SELENOT: variants seen among roughly 807,000 people sequenced by gnomAD.
SELENOT encodes the protein selenoprotein T.
Under a neutral mutation model 24.3 loss-of-function variants are expected in SELENOT, and 9 were observed. That is an observed-to-expected ratio of 0.37 (90% CI 0.22 to 0.65). The LOEUF is 0.65. Among genes scored for constraint, SELENOT ranks in the 30% least tolerant of loss-of-function variants. The probability of loss-of-function intolerance (pLI) is 0.60; values close to 1 mark genes in which losing one functional copy is unlikely to be tolerated. For missense variants in SELENOT, 166 were observed against 247.6 expected (o/e 0.67, Z 2.21); for synonymous variants, 81 against 86.0 (o/e 0.94, Z 0.32).
rs577265409 is a variant in SELENOT, at chr3:150,622,734, AT to A, written c.248+244del. ...CTTCTAAAGATGTGTTTTCATATGT[AT>A]TTTTAATTGTGGAAATAGAATAACA... On this transcript the variant is annotated intron_variant, in intron 2 of 5. Transcript: ENST00000471696. 3.6e-3 allele frequency among the ~76,000 whole-genome samples: 551 copies of A among 152,192 alleles called. 5 individuals carry two copies. The highest frequency in any genetic ancestry group is 0.013 in the African/African-American group (532 of 41,556).
At chr3:150,604,649 A>G (rs1576528565) in intron 1 of SELENOT, among the ~76,000 whole-genome samples, 1 of 152,252 alleles carries the variant, frequency 6.6e-6, no homozygotes, top group Non-Finnish European at 1.5e-5. Flanking sequence ...ATAATTTTTA[A>G]AAATCGGCTT....
chr3:150,611,112 C>A, intron 1 of SELENOT: 1 of 500,884 alleles, frequency 2.0e-6, no homozygotes, highest in Non-Finnish European at 3.5e-6. Flanking sequence ...GCTCATTTTA[C>A]ATGAGTTTCC....
chr3:150,604,920 C>A, intron 1 of SELENOT, among the ~76,000 whole-genome samples: 1 of 152,046 alleles, frequency 6.6e-6, no homozygotes, highest in African/African-American at 2.4e-5. Context: ...GCCTGTAATC[C>A]CAACTACTTG....
chr3:150,620,362 A>G (rs565213656), intron 1 of SELENOT, among the ~76,000 whole-genome samples: 1 of 152,282 alleles, frequency 6.6e-6, no homozygotes, highest in Non-Finnish European at 1.5e-5. Flanking sequence ...GGACATATGA[A>G]GGATAGCTCT....
intron 1 of SELENOT, among the ~76,000 whole-genome samples, chr3:150,615,887 A>T (rs1343311285): frequency 6.6e-6 from 1 of 150,928 alleles, no homozygotes; most frequent in Admixed American, 6.6e-5. Flanking sequence ...AGCCCGCATC[A>T]CCAAGTCAAT....
intron 4 of SELENOT, among the ~76,000 whole-genome samples, chr3:150,626,679 GT>G (rs1726453244): frequency 6.6e-6 from 1 of 152,038 alleles, no homozygotes; most frequent in South Asian, 2.1e-4. Flanking sequence ...TCCCCACTCT[GT>G]CTTGGTAATT....
chr3:150,612,663 G>A (rs1726123555), intron 1 of SELENOT, among the ~76,000 whole-genome samples: 1 of 152,182 alleles, frequency 6.6e-6, no homozygotes, highest in Admixed American at 6.5e-5. Flanking sequence ...AAGGACATAA[G>A]TATCTGATAA....
chr3:150,619,841 A>G (rs1726300218), intron 1 of SELENOT, among the ~76,000 whole-genome samples: 1 of 152,202 alleles, frequency 6.6e-6, no homozygotes, highest in Admixed American at 6.5e-5. Context: ...CACAACAGAA[A>G]AATTATTTTA....
At chr3:150,624,112 T>C (rs1403429125) in intron 3 of SELENOT, among the ~76,000 whole-genome samples, 1 of 152,180 alleles carries the variant, frequency 6.6e-6, no homozygotes, top group East Asian at 1.9e-4. Flanking sequence ...TCCTTGTATA[T>C]TGTTCCCATG....
Position 150,628,180 on chromosome 3 carries a change from A to T in SELENOT, c.*551A>T, listed in dbSNP as rs1726482908. 1 of 152,482 alleles carries T rather than the reference A, an allele frequency of 6.6e-6. No homozygotes were observed. Among genetic ancestry groups the T allele is most frequent in the Non-Finnish European group, 1.5e-5 (1 of 68,016 alleles). 9.4% of individuals were successfully genotyped at this position (152,482 alleles called of 1,614,324 possible). A position where few individuals can be genotyped will look rare whatever the true frequency, so the allele number is the denominator to read the frequency against. ...ATAGCAGATGCAAGATTATGGGGGA[A>T]ATCCTATATTCAGAGTACTCTATAA... On this transcript the variant is annotated 3_prime_UTR_variant, in exon 6 of 6. Transcript: ENST00000471696.
chr3:150,603,326 C>G lies in SELENOT; in HGVS notation c.-37C>G. 6.3e-7 allele frequency: 1 copy of G among 1,593,300 alleles called. No individual in the cohort carries two copies. Among genetic ancestry groups the G allele is most frequent in the Non-Finnish European group, 8.6e-7 (1 of 1,165,314 alleles). ...TCCTGGGCTTTGGGCTGGCTGCAGTCTGTCTGAGGGCGGCCGAAGTGGCTG... is the reference window on the plus strand; with the variant it reads ...TCCTGGGCTTTGGGCTGGCTGCAGTGTGTCTGAGGGCGGCCGAAGTGGCTG... On this transcript the variant is annotated 5_prime_UTR_variant, in exon 1 of 6. Coordinates refer to ENST00000471696, the MANE Select transcript of SELENOT (RefSeq NM_016275.5).
intron 1 of SELENOT, among the ~76,000 whole-genome samples, chr3:150,614,105 C>T (rs887368963): frequency 6.6e-6 from 1 of 151,874 alleles, no homozygotes; most frequent in Non-Finnish European, 1.5e-5. Flanking sequence ...AAAAGATAAA[C>T]TGGGCTTATA....
intron 1 of SELENOT, among the ~76,000 whole-genome samples, chr3:150,604,469 G>A (rs1725913827): frequency 6.6e-6 from 1 of 152,128 alleles, no homozygotes; most frequent in Non-Finnish European, 1.5e-5. Context: ...TCCCAGAATA[G>A]CCAGATTAGT....
At chr3:150,607,194 ACTG>A (rs1725985970) in intron 1 of SELENOT, among the ~76,000 whole-genome samples, 2 of 152,218 alleles carry the variant, frequency 1.3e-5, no homozygotes, top group South Asian at 4.1e-4. Context: ...TTGAGAATCT[ACTG>A]CTGTAATTTT....
At chr3:150,605,214 C>A (rs772532680) in intron 1 of SELENOT, among the ~76,000 whole-genome samples, 5 of 152,062 alleles carry the variant, frequency 3.3e-5, no homozygotes, top group Non-Finnish European at 5.9e-5. Context: ...GTGATACTTA[C>A]GGATTTAAGT....
chr3:150,625,307 T>C (rs1331049631), intron 4 of SELENOT, among the ~76,000 whole-genome samples: 1 of 152,162 alleles, frequency 6.6e-6, no homozygotes, highest in Non-Finnish European at 1.5e-5. Flanking sequence ...AAATAAACTC[T>C]TGCTTACTTC....
chr3:150,612,980 AAGTT>A (rs1266425103), intron 1 of SELENOT, among the ~76,000 whole-genome samples: 1 of 152,190 alleles, frequency 6.6e-6, no homozygotes. Context: ...TTCAATATCT[AAGTT>A]AGAGTTCTTG....
chr3:150,614,772 T>C (rs147177101), intron 1 of SELENOT, among the ~76,000 whole-genome samples: 1,973 of 151,974 alleles, frequency 0.013, 47 homozygotes, highest in African/African-American at 0.046. Flanking sequence ...GGGAAAATAA[T>C]TGAAATTATA....
At chr3:150,624,939 A>G (rs751962737) in intron 4 of SELENOT, 40 bp downstream of exon 4, 8 of 1,052,558 alleles carry the variant, frequency 7.6e-6, no homozygotes, top group South Asian at 3.2e-5. Flanking sequence ...TTGATTTTAA[A>G]TGATTTATAA....
Sources: allele counts gnomAD v4.1 joint callset (sites outside exome capture counted in the v4.1 genomes callset), GRCh38; gene constraint gnomAD v4.1.1; transcripts MANE v1.5; gene names NCBI Gene and HGNC (gene_info 2026-07-23, HGNC 2026-07-21).